Variants in NTNG1 observed in about 807,000 individuals in gnomAD.
The protein encoded by NTNG1 is netrin G1, also known as netrin-G1.
Under a neutral mutation model 54.0 loss-of-function variants are expected in NTNG1, and 16 were observed. The observed-to-expected ratio is 0.30, with a 90% CI of 0.20 to 0.45. The LOEUF (loss-of-function observed/expected upper bound fraction) is 0.45. Among genes scored for constraint, NTNG1 ranks in the 20% least tolerant of loss-of-function variants. The pLI is 1.00. For missense variants in NTNG1, 530 were observed against 678.7 expected, an observed-to-expected ratio of 0.78 and a Z score of 2.43; for synonymous variants, 255 against 263.1, an observed-to-expected ratio of 0.97 and a Z score of 0.30.
intron 2 of NTNG1, among the ~76,000 whole-genome samples, chr1:107,258,901 A>T (rs1053112063): frequency 6.6e-6 from 1 of 152,174 alleles, no homozygotes; most frequent in African/African-American, 2.4e-5. Flanking sequence ...ATTTGTTTTA[A>T]TCCTTGGAGA....
intron 2 of NTNG1, among the ~76,000 whole-genome samples, chr1:107,190,600 C>T (rs1406325569): frequency 5.3e-5 from 8 of 152,122 alleles, no homozygotes; most frequent in South Asian, 4.1e-4. Context: ...TAACAGGCCC[C>T]GGTGTGTGAT....
intron 2 of NTNG1, among the ~76,000 whole-genome samples, chr1:107,280,177 TC>T (rs1664749096): frequency 1.1e-5 from 1 of 91,104 alleles, no homozygotes; most frequent in African/African-American, 4.1e-5. Context: ...TTTTTTTCCC[TC>T]ACTGTTTTGG....
chr1:107,204,558 C>T (rs1360933018), intron 2 of NTNG1, among the ~76,000 whole-genome samples: 1 of 152,056 alleles, frequency 6.6e-6, no homozygotes, highest in East Asian at 1.9e-4. Flanking sequence ...CTGTCTCTGA[C>T]CCTTCATATC....
chr1:107,351,973 A>G (rs1338267418), intron 3 of NTNG1, among the ~76,000 whole-genome samples: 1 of 152,224 alleles, frequency 6.6e-6, no homozygotes, highest in African/African-American at 2.4e-5. Context: ...TTAAACCTTA[A>G]AGCTTCAAAA....
Position 107,191,908 on chromosome 1 carries a change from C to A in NTNG1, c.246+43069C>A, listed in dbSNP as rs1216969915. 7.9e-5 allele frequency among the ~76,000 whole-genome samples: 12 copies of A among 151,980 alleles called. No homozygotes were observed. In the East Asian group the frequency reaches 2.1e-3, roughly 27 times the overall value. ...TTGGCTTAGGATTGACTTGGCGATG[C>A]GGGCTCTATTTTGGTTCCATATGAA... is the stretch of plus-strand genomic sequence containing the variant. On this transcript the variant is annotated intron_variant, in intron 2 of 7. Coordinates refer to ENST00000370068, the MANE Select transcript of NTNG1 (RefSeq NM_001113226.3).
At chr1:107,201,685 G>A (rs752753113) in intron 2 of NTNG1, among the ~76,000 whole-genome samples, 4 of 151,832 alleles carry the variant, frequency 2.6e-5, no homozygotes, top group Admixed American at 6.6e-5. Flanking sequence ...CCTCTTAACT[G>A]GTCTTCCAGG....
intron 4 of NTNG1, among the ~76,000 whole-genome samples, chr1:107,398,341 C>T (rs546555862): frequency 6.6e-6 from 1 of 152,192 alleles, no homozygotes; most frequent in African/African-American, 2.4e-5. Context: ...TTTAACAGAA[C>T]AACTGGGAGG....
chr1:107,272,293 C>G (rs1359653936), intron 2 of NTNG1, among the ~76,000 whole-genome samples: 1 of 152,026 alleles, frequency 6.6e-6, no homozygotes, highest in Non-Finnish European at 1.5e-5. Flanking sequence ...TTCCATGTGG[C>G]AAAATGTTTC....
At chr1:107,390,367 C>T (rs1177633887) in intron 3 of NTNG1, among the ~76,000 whole-genome samples, 2 of 152,202 alleles carry the variant, frequency 1.3e-5, no homozygotes, top group African/African-American at 4.8e-5. Context: ...AATAATTACG[C>T]TATGCAAATG....
chr1:107,470,150 G>T (rs1255998711), intron 7 of NTNG1, among the ~76,000 whole-genome samples: 1 of 152,156 alleles, frequency 6.6e-6, no homozygotes, highest in African/African-American at 2.4e-5. Flanking sequence ...GGATTGTGTA[G>T]AAACTCATGC....
intron 2 of NTNG1, among the ~76,000 whole-genome samples, chr1:107,316,313 A>G: frequency 6.6e-6 from 1 of 152,162 alleles, no homozygotes; most frequent in Non-Finnish European, 1.5e-5. Context: ...TGAAGCAAAT[A>G]TTTTCCACTA....
At chr1:107,450,486 G>A (rs1478563752) in intron 7 of NTNG1, among the ~76,000 whole-genome samples, 1 of 152,010 alleles carries the variant, frequency 6.6e-6, no homozygotes, top group Non-Finnish European at 1.5e-5. Flanking sequence ...GAGTTTCATT[G>A]AAAATGGTGA....
chr1:107,205,167 G>A (rs150924910), intron 2 of NTNG1, among the ~76,000 whole-genome samples: 163 of 152,208 alleles, frequency 1.1e-3, no homozygotes, highest in Non-Finnish European at 1.8e-3. Context: ...AAGCTACTTC[G>A]AAGTTTCAAC....
intron 5 of NTNG1, among the ~76,000 whole-genome samples, chr1:107,421,423 G>A (rs1018585909): frequency 2.6e-5 from 4 of 152,020 alleles, no homozygotes; most frequent in African/African-American, 4.8e-5. Flanking sequence ...TTTAGAACAC[G>A]AATGTTAGAG....
At chr1:107,386,099 A>G (rs926088462) in intron 3 of NTNG1, among the ~76,000 whole-genome samples, 7 of 147,238 alleles carry the variant, frequency 4.8e-5, no homozygotes, top group Non-Finnish European at 1.0e-4. Flanking sequence ...ATGTATGTAT[A>G]TATATATACA....
chr1:107,303,836 G>A (rs543130767), intron 2 of NTNG1, among the ~76,000 whole-genome samples: 21 of 152,116 alleles, frequency 1.4e-4, no homozygotes, highest in South Asian at 1.0e-3. Flanking sequence ...ACAGGCGCAC[G>A]CCACCACACC....
intron 3 of NTNG1, among the ~76,000 whole-genome samples, chr1:107,354,663 C>G (rs766920035): frequency 3.3e-5 from 5 of 152,038 alleles, no homozygotes; most frequent in Non-Finnish European, 7.4e-5. Context: ...CAATAAGTTG[C>G]ATGACAGGGA....
chr1:107,366,410 G>A (rs1256119035), intron 3 of NTNG1, among the ~76,000 whole-genome samples: 1 of 152,142 alleles, frequency 6.6e-6, no homozygotes, highest in Non-Finnish European at 1.5e-5. Flanking sequence ...CAAAAAATCT[G>A]TCTCAAAATA....
At chr1:107,319,326 A>G (rs1414510851) in intron 2 of NTNG1, among the ~76,000 whole-genome samples, 1 of 151,996 alleles carries the variant, frequency 6.6e-6, no homozygotes. Context: ...CAAAAATTAT[A>G]CCTCTGATAT....
Sources: gnomAD v4.1 joint callset for allele counts (sites outside exome capture counted in the v4.1 genomes callset) on GRCh38, gnomAD v4.1.1 for gene constraint, MANE v1.5 for transcripts, NCBI Gene and HGNC (gene_info 2026-07-23, HGNC 2026-07-21) for gene names.